The following UIMC1 variants were observed in gnomAD, a reference collection of about 807,000 sequenced individuals.
UIMC1 encodes ubiquitin interaction motif containing 1.
Under a neutral mutation model 84.9 loss-of-function variants are expected in UIMC1, and 42 were observed. The observed-to-expected ratio is 0.49, with a 90% CI of 0.39 to 0.64. The LOEUF is 0.64. UIMC1 is among the 30% of genes least tolerant of loss of function. The pLI, the probability that UIMC1 is intolerant of heterozygous loss-of-function variation, is 0.00. For synonymous variants in UIMC1, 281 were observed against 293.0 expected (o/e 0.96, Z 0.42); for missense variants, 825 against 847.6 (o/e 0.97, Z 0.33).
chr5:176,912,390 C>T (rs905387326), intron 10 of UIMC1, among the ~76,000 whole-genome samples: 35 of 152,124 alleles, frequency 2.3e-4, no homozygotes, highest in Admixed American at 1.2e-3. Flanking sequence ...GTTTGCCTAA[C>T]CTTCTAGATC....
chr5:176,969,122 A>AT lies in UIMC1; in HGVS notation c.632dup (p.Asn211LysfsTer5). On this transcript the variant is annotated frameshift_variant, in exon 6 of 15. Transcript: ENST00000511320. LOFTEE classifies it high-confidence loss of function. ...ATCTGTCAAAAGATTTAACGTTCACATTCTCAAACACTGGCTGGCTTGACT... is the reference window on the plus strand; with the variant it reads ...ATCTGTCAAAAGATTTAACGTTCACATTTCTCAAACACTGGCTGGCTTGACT... The AT allele has an allele frequency of 6.2e-7, 1 of 1,614,196 alleles. No homozygotes were observed. Among genetic ancestry groups the AT allele is most frequent in the Non-Finnish European group, 8.5e-7 (1 of 1,180,036 alleles).
chr5:176,968,200 C>T (rs1207763639), intron 6 of UIMC1, among the ~76,000 whole-genome samples: 2 of 152,014 alleles, frequency 1.3e-5, no homozygotes, highest in Non-Finnish European at 2.9e-5. Context: ...GGTAAAACCC[C>T]GTCTCTACTA....
rs775992508 is a variant in UIMC1 at position 176,906,047 on chromosome 5, T to A, written c.1913A>T (p.Asp638Val). ...TGTTTCTGAAGACTTGATGTCTGCA[T>A]CTGTGATATAAAAGAAAAAATAATA... ...FLEQSEHKTS[D>V]ADIKSSETGA... Residue 638 changes from aspartate to valine, a missense_variant and splice_region_variant, in exon 14 of 15, where the codon GAT becomes GTT. Asp to Val is a radical substitution (Grantham distance 152, BLOSUM62 -3). Transcript: ENST00000511320. 1 of 1,613,780 alleles carries A rather than the reference T, an allele frequency of 6.2e-7. No homozygotes were observed. The highest frequency in any genetic ancestry group is 8.5e-7 in the Non-Finnish European group (1 of 1,179,892).
intron 1 of UIMC1, among the ~76,000 whole-genome samples, chr5:177,000,136 T>C (rs1774229628): frequency 6.6e-6 from 1 of 152,076 alleles, no homozygotes; most frequent in South Asian, 2.1e-4. Context: ...TTTTTTACAT[T>C]TTTAGGAGAG....
chr5:176,997,941 CAGA>C (rs938617723), intron 1 of UIMC1, among the ~76,000 whole-genome samples: 2 of 152,116 alleles, frequency 1.3e-5, no homozygotes, highest in Non-Finnish European at 2.9e-5. Context: ...TCTCATCCTT[CAGA>C]AGAATAACTT....
chr5:176,999,787 T>C (rs188049589), intron 1 of UIMC1, among the ~76,000 whole-genome samples: 126 of 152,336 alleles, frequency 8.3e-4, no homozygotes, highest in African/African-American at 3.0e-3. Flanking sequence ...CCATATTTTC[T>C]TTATCCATTC....
chr5:176,961,899 A>G (rs1345103699), intron 6 of UIMC1, among the ~76,000 whole-genome samples: 2 of 39,514 alleles, frequency 5.1e-5, no homozygotes, highest in African/African-American at 1.1e-4. Flanking sequence ...AGGTGGGGGG[A>G]TCGGCCCCCC....
intron 10 of UIMC1, among the ~76,000 whole-genome samples, chr5:176,925,080 G>A (rs1304067405): frequency 6.7e-6 from 1 of 150,104 alleles, no homozygotes; most frequent in African/African-American, 2.4e-5. Flanking sequence ...GCAAGTACAC[G>A]CTAGAAAATA....
At chr5:176,984,571 G>T (rs897985925) in intron 1 of UIMC1, among the ~76,000 whole-genome samples, 8 of 152,060 alleles carry the variant, frequency 5.3e-5, no homozygotes, top group African/African-American at 1.9e-4. Flanking sequence ...CCCCATCTGG[G>T]AGGTGTACCC....
At chr5:176,923,783 G>A (rs1762005499) in intron 10 of UIMC1, among the ~76,000 whole-genome samples, 1 of 150,424 alleles carries the variant, frequency 6.6e-6, no homozygotes, top group Non-Finnish European at 1.5e-5. Context: ...AGAATCGCTT[G>A]AACCCAGGAG....
intron 1 of UIMC1, among the ~76,000 whole-genome samples, chr5:176,984,059 T>C (rs181331): frequency 0.15 from 5,165 of 34,430 alleles, 141 homozygotes; most frequent in Middle Eastern, 0.17. Flanking sequence ...AAGTGAGGAG[T>C]GCCTCTGCCC....
chr5:176,924,781 C>G (rs1193547675), intron 10 of UIMC1, among the ~76,000 whole-genome samples: 1 of 152,110 alleles, frequency 6.6e-6, no homozygotes. Context: ...TGGCTCATAT[C>G]TGTAATCCCA....
chr5:176,916,435 GT>G (rs1464974390), intron 10 of UIMC1, among the ~76,000 whole-genome samples: 1 of 152,204 alleles, frequency 6.6e-6, no homozygotes, highest in Non-Finnish European at 1.5e-5. Flanking sequence ...CAAATAATCA[GT>G]ATTGCCTTGT....
chr5:176,956,007 A>C lies in UIMC1; in HGVS notation c.1291T>G (p.Leu431Val). Residue 431 changes from leucine to valine, a missense_variant, in exon 8 of 15, where the codon TTA becomes GTA. Leu to Val is a conservative substitution (Grantham distance 32). Transcript: ENST00000511320. ...SVAALTSKRS[L>V]VLMPESSAEE... ...GCAGAACTCTCTGGCATAAGGACTA[A>C]GCTTCTCTTACTGGTCAAAGCAGCA... 6.2e-7 allele frequency: 1 copy of C among 1,613,826 alleles called. No individual in the cohort carries two copies. Among genetic ancestry groups the C allele is most frequent in the Non-Finnish European group, 8.5e-7 (1 of 1,179,828 alleles).
chr5:176,966,377 A>G (rs1768307732), intron 6 of UIMC1, among the ~76,000 whole-genome samples: 1 of 152,216 alleles, frequency 6.6e-6, no homozygotes, highest in Admixed American at 6.5e-5. Context: ...ACAAATTACT[A>G]AACACAAAAA....
At chr5:176,907,455 A>G (rs1040973640) in intron 12 of UIMC1, 1 of 347,730 alleles carries the variant, frequency 2.9e-6, no homozygotes, top group Non-Finnish European at 5.4e-6. Context: ...AACTGGCTGT[A>G]TAAGTAAGTG....
chr5:176,970,441 C>T, intron 4 of UIMC1: 2 of 399,266 alleles, frequency 5.0e-6, no homozygotes, highest in East Asian at 1.2e-4. Context: ...TATCTTGCTG[C>T]CTTCTGGTTC....
chr5:176,982,396 A>T (rs1270600150), intron 2 of UIMC1, 73 bp downstream of exon 2: 5 of 1,530,316 alleles, frequency 3.3e-6, no homozygotes, highest in East Asian at 4.6e-5. Flanking sequence ...GTCAGTCACG[A>T]AACAAACTCC....
At chr5:176,972,230 C>T (rs1283145800) in intron 3 of UIMC1, among the ~76,000 whole-genome samples, 1 of 150,406 alleles carries the variant, frequency 6.6e-6, no homozygotes, top group Non-Finnish European at 1.5e-5. Context: ...GAAACCCCGT[C>T]TCTACTAAAA....
Sources: allele counts gnomAD v4.1 joint callset (sites outside exome capture counted in the v4.1 genomes callset), GRCh38; gene constraint gnomAD v4.1.1; transcripts MANE v1.5; gene names NCBI Gene and HGNC (gene_info 2026-07-23, HGNC 2026-07-21).